Variants in TENM3 observed in about 807,000 individuals in gnomAD.
TENM3 encodes the protein teneurin transmembrane protein 3.
Under a neutral mutation model 255.1 loss-of-function variants are expected in TENM3, and 63 were observed. The observed-to-expected ratio is 0.25, with a 90% CI of 0.20 to 0.30. The LOEUF (loss-of-function observed/expected upper bound fraction) is 0.30. Among genes scored for constraint, TENM3 ranks in the 10% least tolerant of loss-of-function variants. The pLI, the probability that TENM3 is intolerant of heterozygous loss-of-function variation, is 1.00. For missense variants in TENM3, 2,929 were observed against 3,461.1 expected, an observed-to-expected ratio of 0.85 and a Z score of 3.86; for synonymous variants, 1,306 against 1,322.3, an observed-to-expected ratio of 0.99 and a Z score of 0.27.
chr4:182,014,171 C>T, the TENM3 span, among the ~76,000 whole-genome samples: 2 of 145,366 alleles, frequency 1.4e-5, no homozygotes, highest in Non-Finnish European at 3.0e-5. Flanking sequence ...CATATATATA[C>T]ATATATATAT....
the TENM3 span, among the ~76,000 whole-genome samples, chr4:181,725,358 A>G: frequency 6.6e-6 from 1 of 151,904 alleles, no homozygotes; most frequent in Non-Finnish European, 1.5e-5. Context: ...TGAATTTTAC[A>G]TACATTGTTA....
chr4:181,856,286 G>A, the TENM3 span, among the ~76,000 whole-genome samples: 1 of 151,956 alleles, frequency 6.6e-6, no homozygotes, highest in Non-Finnish European at 1.5e-5. Context: ...TGGGACCTTG[G>A]ACAAATCTTT....
the TENM3 span, among the ~76,000 whole-genome samples, chr4:181,734,472 G>A: frequency 2.6e-5 from 4 of 151,994 alleles, no homozygotes; most frequent in African/African-American, 9.7e-5. Context: ...TAACAATGGA[G>A]GAAGTTGAAG....
At chr4:181,864,707 C>T in the TENM3 span, among the ~76,000 whole-genome samples, 1 of 151,970 alleles carries the variant, frequency 6.6e-6, no homozygotes, top group Non-Finnish European at 1.5e-5. Context: ...TTAAACCGCC[C>T]GTATAGGTAT....
chr4:181,470,062 C>T, the TENM3 span, among the ~76,000 whole-genome samples: 6 of 140,842 alleles, frequency 4.3e-5, no homozygotes, highest in Non-Finnish European at 9.0e-5. Context: ...TCTGCCAATT[C>T]ACAGTGCAAG....
At chr4:182,623,379 T>C (rs1381957941) in intron 4 of TENM3, among the ~76,000 whole-genome samples, 1 of 151,668 alleles carries the variant, frequency 6.6e-6, no homozygotes, top group Non-Finnish European at 1.5e-5. Flanking sequence ...CTCAGCTCAC[T>C]GCAACCTCCA....
At chr4:182,007,600 G>A in the TENM3 span, among the ~76,000 whole-genome samples, 3 of 151,892 alleles carry the variant, frequency 2.0e-5, no homozygotes, top group Non-Finnish European at 4.4e-5. Flanking sequence ...ATCCCTTTAT[G>A]TTGAGCCTAT....
chr4:182,321,104 C>G (rs1033017237), intron 1 of TENM3, among the ~76,000 whole-genome samples: 1 of 152,104 alleles, frequency 6.6e-6, no homozygotes, highest in Non-Finnish European at 1.5e-5. Flanking sequence ...TTTTAATGAT[C>G]ATTTAGTTTT....
intron 3 of TENM3, among the ~76,000 whole-genome samples, chr4:182,554,876 CTT>C (rs1412636029): frequency 2.8e-5 from 4 of 143,798 alleles, no homozygotes; most frequent in Admixed American, 7.0e-5. Context: ...TCCTTTTAAG[CTT>C]TTTTTTTTTT....
intron 3 of TENM3, among the ~76,000 whole-genome samples, chr4:182,595,704 A>C (rs995476716): frequency 2.0e-5 from 3 of 152,170 alleles, no homozygotes; most frequent in Non-Finnish European, 4.4e-5. Flanking sequence ...ATTTCTCATA[A>C]CCATGGTACC....
the TENM3 span, among the ~76,000 whole-genome samples, chr4:182,088,516 A>G: frequency 1.3e-5 from 2 of 152,218 alleles, no homozygotes; most frequent in Non-Finnish European, 2.9e-5. Flanking sequence ...ATGTATTTCA[A>G]TGACAAGTGT....
intron 3 of TENM3, among the ~76,000 whole-genome samples, chr4:182,356,110 G>A (rs1317743717): frequency 1.3e-5 from 2 of 151,448 alleles, no homozygotes; most frequent in Non-Finnish European, 2.9e-5. Flanking sequence ...ACCAATAAAA[G>A]AAACGAAGGA....
At chr4:181,527,075 A>G in the TENM3 span, among the ~76,000 whole-genome samples, 2 of 152,082 alleles carry the variant, frequency 1.3e-5, no homozygotes, top group African/African-American at 4.8e-5. Flanking sequence ...CCCCTGTGCG[A>G]CCAGTCAGTG....
At chr4:182,060,397 A>G in the TENM3 span, among the ~76,000 whole-genome samples, 1 of 152,156 alleles carries the variant, frequency 6.6e-6, no homozygotes, top group Non-Finnish European at 1.5e-5. Context: ...ATCATCAGGC[A>G]TTAGATTCTC....
the TENM3 span, among the ~76,000 whole-genome samples, chr4:181,640,196 A>G: frequency 2.0e-5 from 3 of 152,266 alleles, no homozygotes; most frequent in South Asian, 6.2e-4. Context: ...GCCAATTCTC[A>G]GTCCCTACTC....
At position 182,287,758 on chromosome 4, in the gene TENM3, C is replaced by T. The variant is rs566875855; in HGVS notation, c.-75-36188C>T. Among the ~76,000 whole-genome samples, 152 of 151,738 alleles carry T rather than the reference C, an allele frequency of 1.0e-3. No individual in the cohort carries two copies. The Middle Eastern group carries it at 0.01, about 10-fold the overall frequency. On this transcript the variant is annotated intron_variant, in intron 1 of 27. Transcript: ENST00000511685. ...CCTCCCGAGTAGCTGGGACTACAGG[C>T]GCCCTCCACCACACCCGTCTAATTT...
At chr4:181,864,432 A>AAG in the TENM3 span, among the ~76,000 whole-genome samples, 3,452 of 151,492 alleles carry the variant, frequency 0.023, 139 homozygotes, top group African/African-American at 0.079. Context: ...AGGAGACAAA[A>AAG]AGAGAGAGAG....
At position 182,250,154 on chromosome 4, in the gene TENM3, G is replaced by A. The variant is rs375427300; in HGVS notation, c.-76+6678G>A. Among the ~76,000 whole-genome samples, 62 of 149,344 alleles carry A rather than the reference G, an allele frequency of 4.2e-4. 1 individual carries two copies. In the East Asian group the frequency reaches 9.5e-3, roughly 23 times the overall value. On this transcript the variant is annotated intron_variant, in intron 1 of 27. Coordinates refer to ENST00000511685, the MANE Select transcript of TENM3 (RefSeq NM_001080477.4). Reference sequence around the variant, plus strand: ...TGCAAGCTCTGCCTCCTGGGTTCACGCCATTCTCCTGCCTCAGCCTCCCGA... The same window carrying A: ...TGCAAGCTCTGCCTCCTGGGTTCACACCATTCTCCTGCCTCAGCCTCCCGA...
the TENM3 span, among the ~76,000 whole-genome samples, chr4:181,752,562 A>T: frequency 6.6e-6 from 1 of 152,094 alleles, no homozygotes; most frequent in Non-Finnish European, 1.5e-5. Flanking sequence ...AAAAAAAAAT[A>T]AAAATGGAAT....
Sources: allele counts gnomAD v4.1 joint callset (sites outside exome capture counted in the v4.1 genomes callset), GRCh38; gene constraint gnomAD v4.1.1; transcripts MANE v1.5; gene names NCBI Gene and HGNC (gene_info 2026-07-23, HGNC 2026-07-21).